Variants in MYO15A observed in about 807,000 individuals in gnomAD.
MYO15A encodes myosin XVA, also known as unconventional myosin-XV.
MYO15A carries 308 observed loss-of-function variants against 394.6 expected under a neutral mutation model. The observed-to-expected ratio is 0.78, with a 90% confidence interval of 0.71 to 0.86. The LOEUF (loss-of-function observed/expected upper bound fraction) is 0.86, where lower values mean the gene tolerates loss of function less well. Among genes scored for constraint, MYO15A ranks in the 40% least tolerant of loss-of-function variants. The pLI, the probability that MYO15A is intolerant of heterozygous loss-of-function variation, is 0.00. For missense variants in MYO15A, 4,606 were observed against 4,799.1 expected, an observed-to-expected ratio of 0.96 and a Z score of 1.19; for synonymous variants, 1,957 against 2,003.8, an observed-to-expected ratio of 0.98 and a Z score of 0.62.
At position 18,142,782 on chromosome 17, in the gene MYO15A, G is replaced by C; in HGVS notation, c.5852G>C (p.Ser1951Thr). Residue 1951 changes from serine (S) to threonine (T), a missense_variant, in exon 25 of 66, where the codon AGT becomes ACT. Ser to Thr is a moderately conservative substitution (Grantham distance 58, BLOSUM62 1). Coordinates refer to ENST00000647165, the MANE Select transcript of MYO15A (RefSeq NM_016239.4). ...ARQRYQQMRR[S>T]LVKFRSLVHA... Reference sequence around the variant, plus strand: ...CAACGCTATCAGCAGATGAGGAGGAGTCTGGTGAAGTTCCGGTCCCTGGTA... The same window carrying C: ...CAACGCTATCAGCAGATGAGGAGGACTCTGGTGAAGTTCCGGTCCCTGGTA... 2 of 1,613,778 alleles carry C rather than the reference G, an allele frequency of 1.2e-6. No homozygotes were observed. The highest frequency in any genetic ancestry group is 8.5e-7 in the Non-Finnish European group (1 of 1,179,958).
rs760386199 is a variant in MYO15A, at chr17:18,166,380, C to T, written c.9807C>T (p.Leu3269=). The T allele has an allele frequency of 6.2e-7, 1 of 1,613,534 alleles. No individual in the cohort carries two copies. The highest frequency in any genetic ancestry group is 2.2e-5 in the East Asian group (1 of 44,886). ...CTGCAGGCCAGCATGTGTGCCCACT[C>T]AGTCGCCGTGCTTACATCCTGGATG... ...VTNRGQHVCP[L]SRRAYILDVA... Residue 3269 remains leucine (L), a synonymous_variant, in exon 61 of 66, where the codon CTC becomes CTT. Transcript: ENST00000647165.
Position 18,119,231 on chromosome 17 carries a change from A to G in MYO15A, c.431A>G (p.Lys144Arg), listed in dbSNP as rs756564364. The G allele has an allele frequency of 1.9e-6, 3 of 1,612,448 alleles. No individual in the cohort carries two copies. In the South Asian group the frequency reaches 3.3e-5, roughly 18 times the overall value. Residue 144 changes from lysine to arginine, a missense_variant, in exon 2 of 66, where the codon AAG becomes AGG. By Grantham distance (26) the Lys-to-Arg change is conservative. This residue lies in a region of MYO15A where 1,830 missense variants were observed against 1,689.7 expected (regional missense o/e 1.08). Transcript: ENST00000647165. The stretch of plus-strand genomic sequence containing the variant: ...TGGCTCACAAAAAAGTTCCTCCTCA[A>G]GAAGGCCGAGGAGTCGGGCAGCGAA... ...INWLTKKFLL[K>R]KAEESGSEQA...
Position 18,133,230 on chromosome 17 carries a change from G to C in MYO15A, c.4326G>C (p.Gly1442=). The C allele has an allele frequency of 6.2e-7, 1 of 1,614,042 alleles. No individual in the cohort carries two copies. The change falls in exon 12 of 66, where the codon GGG becomes GGC. Residue 1442 remains glycine, a synonymous_variant. Coordinates refer to ENST00000647165, the MANE Select transcript of MYO15A (RefSeq NM_016239.4). ...CAGCCTCTGCCCTCATGCAGGGTGGGAACTGTGAGATAGCAGGAAAGAGCG... is the reference window on the plus strand; with the variant it reads ...CAGCCTCTGCCCTCATGCAGGGTGGCAACTGTGAGATAGCAGGAAAGAGCG... The part of the protein sequence containing the change: ...AETYYYLNQG[G]NCEIAGKSDA...
rs1252736373 is a variant in MYO15A, at chr17:18,121,132, C to T, written c.2332C>T (p.Pro778Ser). 6.6e-7 allele frequency: 1 copy of T among 1,509,864 alleles called. No individual in the cohort carries two copies. Among genetic ancestry groups the T allele is most frequent in the African/African-American group, 1.4e-5 (1 of 69,646 alleles). 93.5% of individuals were successfully genotyped at this position (1,509,864 alleles called of 1,614,324 possible). A position where few individuals can be genotyped will look rare whatever the true frequency, so the allele number is the denominator to read the frequency against. The part of the protein sequence containing the change: ...RAWSPLASPQ[P>S]SLRSSPGLGY... ...TTGGTCACCGCTGGCCTCGCCCCAG[C>T]CCTCGCTGAGGAGCTCGCCGGGCCT... Residue 778 changes from proline (P) to serine (S), a missense_variant, in exon 2 of 66, where the codon CCC becomes TCC. By Grantham distance (74) the Pro-to-Ser change is moderately conservative. Around this residue, in one of 2 missense-constraint regions of MYO15A, gnomAD observed 1,830 missense variants for 1,689.7 expected, o/e 1.08. Coordinates refer to ENST00000647165, the MANE Select transcript of MYO15A (RefSeq NM_016239.4). The surrounding 1 kb of genome is among the most constrained non-coding windows in gnomAD (Gnocchi z 5.3).
Position 18,119,053 on chromosome 17 carries a change from A to G in MYO15A, c.253A>G (p.Lys85Glu), listed in dbSNP as rs942397992. The G allele has an allele frequency of 1.2e-6, 2 of 1,612,386 alleles. No individual in the cohort carries two copies. Among genetic ancestry groups the G allele is most frequent in the African/African-American group, 1.3e-5 (1 of 74,932 alleles). The stretch of plus-strand genomic sequence containing the variant: ...CCGCACCGTGCTCAAGTCCACGTCA[A>G]AGCTCATGACGCAGATGCGCATGGG... ...KARTVLKSTSKLMTQMRMGKK... is the reference protein window; with the variant it reads ...KARTVLKSTSELMTQMRMGKK... Residue 85 changes from lysine to glutamate, a missense_variant, in exon 2 of 66, where the codon AAG becomes GAG. By Grantham distance (56) the Lys-to-Glu change is moderately conservative. Transcript: ENST00000647165.
chr17:18,169,289 A>G (rs1457470509), intron 62 of MYO15A, among the ~76,000 whole-genome samples: 2 of 151,750 alleles, frequency 1.3e-5, no homozygotes, highest in African/African-American at 4.8e-5. Flanking sequence ...TCTAATAAAA[A>G]CACAAAATTA....
Position 18,120,407 on chromosome 17 carries a change from C to A in MYO15A, c.1607C>A (p.Thr536Lys). Residue 536 changes from threonine to lysine, a missense_variant, in exon 2 of 66, where the codon ACG (threonine) becomes AAG (lysine). Physicochemically the swap from Thr to Lys is moderately conservative, Grantham distance 78. Coordinates refer to ENST00000647165, the MANE Select transcript of MYO15A (RefSeq NM_016239.4). Reference protein sequence around the residue: ...PYGHPFWGFLTPRQRNLQRAL... With the variant: ...PYGHPFWGFLKPRQRNLQRAL... The stretch of plus-strand genomic sequence containing the variant: ...GGCCACCCTTTCTGGGGCTTCCTCA[C>A]GCCGCGCCAGCGCAACCTCCAGCGC... 6.2e-7 allele frequency: 1 copy of A among 1,605,522 alleles called. No homozygotes were observed. Among genetic ancestry groups the A allele is most frequent in the South Asian group, 1.1e-5 (1 of 90,584 alleles).
chr17:18,131,411 G>A (rs1030147097), intron 9 of MYO15A, 57 bp from the exon 10 acceptor site: 17 of 1,612,574 alleles, frequency 1.1e-5, no homozygotes, highest in African/African-American at 4.0e-5. Flanking sequence ...ACAGCCCCTC[G>A]GAGCCAACAC....
chr17:18,159,731 T>C lies in MYO15A; in HGVS notation c.9303+52T>C, dbSNP rs555568411. 11 of 1,591,906 alleles carry C rather than the reference T, an allele frequency of 6.9e-6. No individual in the cohort carries two copies. In the South Asian group the frequency reaches 8.9e-5, roughly 13 times the overall value. On this transcript the variant is annotated intron_variant, in intron 55 of 65. Transcript: ENST00000647165. The stretch of plus-strand genomic sequence containing the variant: ...CCCCCTTTCCTGCTCTGTGGTTCAG[T>C]TTCCCCATCTATCAATGAGTCACAG...
intron 1 of MYO15A, among the ~76,000 whole-genome samples, chr17:18,115,995 T>G (rs28426379): frequency 0.012 from 1,759 of 152,354 alleles, 30 homozygotes; most frequent in African/African-American, 0.041. Flanking sequence ...ATATGGTAAC[T>G]GCATGAGGGC....
intron 61 of MYO15A, 114 bp from the exon 62 acceptor site, chr17:18,167,476 C>T (rs923100204): frequency 6.6e-6 from 10 of 1,518,844 alleles, no homozygotes; most frequent in Non-Finnish European, 9.0e-6. Flanking sequence ...GGCCATCCTA[C>T]CCCAGAAGAG....
At chr17:18,161,049 C>T (rs1047332460) in intron 56 of MYO15A, 1 of 605,254 alleles carries the variant, frequency 1.7e-6, no homozygotes, top group Non-Finnish European at 3.0e-6. Flanking sequence ...TGTTGTGAGG[C>T]AGAGAAGAGA....
At chr17:18,157,687 C>T (rs1367455874) in intron 50 of MYO15A, 35 bp from the exon 51 acceptor site, 3 of 1,602,546 alleles carry the variant, frequency 1.9e-6, no homozygotes, top group East Asian at 4.5e-5. Context: ...AGACAAGACC[C>T]TCCTGTTTGC....
Position 18,159,933 on chromosome 17 carries a change from A to G in MYO15A, c.9304-2A>G. 1 of 1,613,972 alleles carries G rather than the reference A, an allele frequency of 6.2e-7. No individual in the cohort carries two copies. The highest frequency in any genetic ancestry group is 8.5e-7 in the Non-Finnish European group (1 of 1,179,950). On this transcript the variant is annotated splice_acceptor_variant, in intron 55 of 65. Transcript: ENST00000647165. LOFTEE classifies it high-confidence loss of function. ...GTGTGTAACCTCCCTGCCCCCCTTC[A>G]GCTGTGCGGGGACCATGAGGTCATG...
At chr17:18,115,713 T>G (rs2045775544) in intron 1 of MYO15A, among the ~76,000 whole-genome samples, 1 of 152,036 alleles carries the variant, frequency 6.6e-6, no homozygotes, top group Non-Finnish European at 1.5e-5. Flanking sequence ...AAGCCCTCAT[T>G]GTGGCCCACA....
chr17:18,152,237 C>A, intron 42 of MYO15A, 53 bp downstream of exon 42: 1 of 1,517,530 alleles, frequency 6.6e-7, no homozygotes, highest in South Asian at 1.2e-5. Flanking sequence ...ATGAGGAAGT[C>A]TGTGGGCACA....
In MYO15A at chr17:18,154,711, T is replaced by C. The variant is rs532205261; in HGVS notation, c.8180T>C (p.Leu2727Pro). Reference sequence around the variant, plus strand: ...CACGACACGCTCTCCGAGGCCTGCCTTCGCATCTCTGAGGATGAGAGGCTC... The same window carrying C: ...CACGACACGCTCTCCGAGGCCTGCCCTCGCATCTCTGAGGATGAGAGGCTC... ...ILHDTLSEAC[L>P]RISEDERLRM... Residue 2727 changes from leucine to proline, a missense_variant, in exon 45 of 66, where the codon CTT (leucine) becomes CCT (proline). Transcript: ENST00000647165. The C allele has an allele frequency of 4.3e-6, 7 of 1,613,744 alleles. No individual in the cohort carries two copies. The East Asian group carries it at 1.6e-4, about 36-fold the overall frequency.
intron 7 of MYO15A, among the ~76,000 whole-genome samples, chr17:18,127,901 T>C (rs2046082853): frequency 6.8e-6 from 1 of 146,328 alleles, no homozygotes; most frequent in African/African-American, 2.5e-5. Flanking sequence ...AAAGGGTAGG[T>C]GGTGAGTTGT....
chr17:18,156,889 G>T lies in MYO15A; in HGVS notation c.8602-65G>T. 9 of 1,365,728 alleles carry T rather than the reference G, an allele frequency of 6.6e-6. No individual in the cohort carries two copies. In the South Asian group the frequency reaches 1.0e-4, roughly 16 times the overall value. The allele number at this position is 1,365,728 out of a possible 1,614,324, so 84.6% of individuals were successfully genotyped here. A position where few individuals can be genotyped will look rare whatever the true frequency, so the allele number is the denominator to read the frequency against. The stretch of plus-strand genomic sequence containing the variant: ...CAGGAAGGATGTGAGGAGCAGGGGT[G>T]GCCCTAGGCCTCTGGGAGTGGGGTG... On this transcript the variant is annotated intron_variant, in intron 48 of 65. Transcript: ENST00000647165.
Sources: gnomAD v4.1 joint callset for allele counts (sites outside exome capture counted in the v4.1 genomes callset) on GRCh38, gnomAD v4.1.1 for gene constraint, gnomAD v4.1.1 regional missense constraint, Gnocchi (gnomAD v3.1) non-coding constraint, MANE v1.5 for transcripts, NCBI Gene and HGNC (gene_info 2026-07-23, HGNC 2026-07-21) for gene names.